PLPPR1: variants seen among roughly 807,000 people sequenced by gnomAD.
PLPPR1 encodes phospholipid phosphatase related 1, also known as phospholipid phosphatase-related protein type 1.
Under a neutral mutation model 33.1 loss-of-function variants are expected in PLPPR1, and 10 were observed. That is an observed-to-expected ratio of 0.30 (90% CI 0.19 to 0.51). PLPPR1 has a LOEUF of 0.51. PLPPR1 is among the 20% of genes least tolerant of loss of function. The pLI is 0.97. For synonymous variants in PLPPR1, 151 were observed against 151.0 expected (o/e 1.00, Z 0.00); for missense variants, 304 against 408.1 (o/e 0.74, Z 2.20).
At chr9:101,081,023 C>T (rs573630719) in intron 1 of PLPPR1, among the ~76,000 whole-genome samples, 138 of 152,204 alleles carry the variant, frequency 9.1e-4, no homozygotes, top group African/African-American at 3.1e-3. Flanking sequence ...CCTTTTCCTG[C>T]TGCTGATTTA....
At chr9:101,116,251 GT>G (rs956986958) in intron 1 of PLPPR1, among the ~76,000 whole-genome samples, 1 of 152,152 alleles carries the variant, frequency 6.6e-6, no homozygotes, top group Non-Finnish European at 1.5e-5. Context: ...TGTTTTTTAA[GT>G]TTTTTTCTGA....
At chr9:101,247,039 T>C (rs1185992992) in intron 2 of PLPPR1, among the ~76,000 whole-genome samples, 17 of 151,920 alleles carry the variant, frequency 1.1e-4, no homozygotes, top group Non-Finnish European at 5.9e-5. Flanking sequence ...ACTCTTCCTA[T>C]TTAGTGAGAG....
At chr9:101,128,517 A>C (rs1831274999) in intron 1 of PLPPR1, among the ~76,000 whole-genome samples, 1 of 152,228 alleles carries the variant, frequency 6.6e-6, no homozygotes, top group African/African-American at 2.4e-5. Flanking sequence ...AAGGCATGGT[A>C]GACCTGAACT....
At chr9:101,107,931 C>G (rs1830996636) in intron 1 of PLPPR1, among the ~76,000 whole-genome samples, 1 of 151,052 alleles carries the variant, frequency 6.6e-6, no homozygotes, top group African/African-American at 2.5e-5. Flanking sequence ...TTCGTCACCC[C>G]TTTCTTTGAC....
At chr9:101,144,117 G>A (rs1831491319) in intron 1 of PLPPR1, among the ~76,000 whole-genome samples, 1 of 152,114 alleles carries the variant, frequency 6.6e-6, no homozygotes, top group Non-Finnish European at 1.5e-5. Flanking sequence ...TCCTTTGTAG[G>A]GACATGGATG....
intron 2 of PLPPR1, among the ~76,000 whole-genome samples, chr9:101,233,199 A>G (rs1827226074): frequency 6.6e-6 from 1 of 152,016 alleles, no homozygotes; most frequent in Non-Finnish European, 1.5e-5. Flanking sequence ...GCTGCATTTA[A>G]TTCTGTTTAC....
At chr9:101,311,622 C>G (rs1828958225) in intron 5 of PLPPR1, among the ~76,000 whole-genome samples, 1 of 152,140 alleles carries the variant, frequency 6.6e-6, no homozygotes, top group Admixed American at 6.5e-5. Context: ...ATTTATGTAA[C>G]TGTGATGTAA....
At chr9:101,178,499 G>C (rs12376727) in intron 1 of PLPPR1, among the ~76,000 whole-genome samples, 1 of 152,102 alleles carries the variant, frequency 6.6e-6, no homozygotes, top group East Asian at 1.9e-4. Context: ...ATCTGTGAAC[G>C]TATGGAATGC....
At chr9:101,034,002 G>A (rs897123561) in intron 1 of PLPPR1, among the ~76,000 whole-genome samples, 9 of 151,914 alleles carry the variant, frequency 5.9e-5, no homozygotes, top group African/African-American at 2.2e-4. Context: ...TTTTAGTATA[G>A]CAGTGTGCTC....
intron 2 of PLPPR1, among the ~76,000 whole-genome samples, chr9:101,203,835 T>A (rs1156251733): frequency 6.6e-6 from 1 of 151,940 alleles, no homozygotes; most frequent in East Asian, 1.9e-4. Flanking sequence ...GATTTGCAAA[T>A]TTTTTTTCTC....
At chr9:101,281,775 A>C (rs1448962734) in intron 3 of PLPPR1, among the ~76,000 whole-genome samples, 1 of 152,188 alleles carries the variant, frequency 6.6e-6, no homozygotes, top group East Asian at 1.9e-4. Context: ...ACAGAAATAC[A>C]AAGGATCATA....
chr9:101,323,960 C>A, intron 7 of PLPPR1, 65 bp from the exon 8 acceptor site: 1 of 1,366,094 alleles, frequency 7.3e-7, no homozygotes. Flanking sequence ...TATTTAGGGA[C>A]AAGTGAGTGT....
intron 2 of PLPPR1, among the ~76,000 whole-genome samples, chr9:101,237,564 C>T (rs570236847): frequency 1.2e-3 from 174 of 149,164 alleles, no homozygotes; most frequent in African/African-American, 3.5e-3. Context: ...CCTATATATA[C>T]ATATAGGCTA....
intron 2 of PLPPR1, among the ~76,000 whole-genome samples, chr9:101,268,227 T>C (rs111359723): frequency 1.3e-5 from 2 of 151,004 alleles, no homozygotes; most frequent in African/African-American, 2.4e-5. Context: ...ATTGTGCACA[T>C]GTACCCTAAA....
chr9:101,297,449 A>G (rs1828668206), intron 4 of PLPPR1, among the ~76,000 whole-genome samples: 1 of 152,224 alleles, frequency 6.6e-6, no homozygotes, highest in Admixed American at 6.5e-5. Flanking sequence ...CAAAGAGAAA[A>G]CATTCAAATT....
chr9:101,263,025 G>C (rs1827928168), intron 2 of PLPPR1, among the ~76,000 whole-genome samples: 1 of 152,034 alleles, frequency 6.6e-6, no homozygotes. Context: ...CCTGGGGGAG[G>C]GATAGCATTA....
intron 2 of PLPPR1, among the ~76,000 whole-genome samples, chr9:101,247,115 T>C (rs1827624946): frequency 6.6e-6 from 1 of 151,944 alleles, no homozygotes; most frequent in South Asian, 2.1e-4. Context: ...CTCTAACTCA[T>C]TAATTTACCA....
At chr9:101,235,414 C>T (rs899866252) in intron 2 of PLPPR1, among the ~76,000 whole-genome samples, 3 of 151,816 alleles carry the variant, frequency 2.0e-5, no homozygotes, top group African/African-American at 7.3e-5. Context: ...TTCTCAATTC[C>T]TGAGATTGGA....
At chr9:101,138,125 C>G (rs1195927089) in intron 1 of PLPPR1, among the ~76,000 whole-genome samples, 1 of 152,202 alleles carries the variant, frequency 6.6e-6, no homozygotes, top group Non-Finnish European at 1.5e-5. Context: ...ACCATCTTGT[C>G]TGTCCTAGTA....
Sources: allele counts gnomAD v4.1 joint callset (sites outside exome capture counted in the v4.1 genomes callset), GRCh38; gene constraint gnomAD v4.1.1; transcripts MANE v1.5; gene names NCBI Gene and HGNC (gene_info 2026-07-23, HGNC 2026-07-21).